SND1: variants seen among roughly 807,000 people sequenced by gnomAD.
The protein encoded by SND1 is staphylococcal nuclease and tudor domain containing 1.
Under a neutral mutation model 121.7 loss-of-function variants are expected in SND1, and 38 were observed. The observed-to-expected ratio is 0.31, with a 90% CI of 0.24 to 0.41. The LOEUF is 0.41. Ranked by LOEUF, SND1 falls within the 10% of genes least tolerant of loss-of-function variation. The pLI is 1.00. For synonymous variants in SND1, 401 were observed against 447.4 expected, an observed-to-expected ratio of 0.90 and a Z score of 1.31; for missense variants, 868 against 1,184.6, an observed-to-expected ratio of 0.73 and a Z score of 3.92.
At chr7:128,086,743 GGACCAGCAGGGC>G (rs1044714387) in intron 20 of SND1, 183 bp from the exon 21 acceptor site, 70 of 622,826 alleles carry the variant, frequency 1.1e-4, no homozygotes, top group African/African-American at 1.1e-3. Flanking sequence ...ATCTACTGCT[GGACCAGCAGGGC>G]ACGTTCTCTC....
intron 12 of SND1, chr7:127,857,703 C>G: frequency 1.7e-6 from 1 of 582,630 alleles, no homozygotes; most frequent in Non-Finnish European, 3.1e-6. Flanking sequence ...ATCAGCACAG[C>G]CAAGGCCCCA....
chr7:127,673,444 T>C (rs1490700524), intron 1 of SND1, among the ~76,000 whole-genome samples: 1 of 152,152 alleles, frequency 6.6e-6, no homozygotes, highest in Non-Finnish European at 1.5e-5. Context: ...CTCGAGTAGC[T>C]GGGACTACAG....
chr7:128,045,007 T>C (rs1792921725), intron 16 of SND1, among the ~76,000 whole-genome samples: 1 of 152,152 alleles, frequency 6.6e-6, no homozygotes, highest in Admixed American at 6.5e-5. Flanking sequence ...TTCTCCAAGC[T>C]TTGTATCAGA....
Position 127,993,978 on chromosome 7 carries a change from G to A in SND1, c.1779+2922G>A, listed in dbSNP as rs186563565. Among the ~76,000 whole-genome samples, 5 of 152,362 alleles carry A rather than the reference G, an allele frequency of 3.3e-5. No individual in the cohort carries two copies. The East Asian group carries it at 7.7e-4, about 24-fold the overall frequency. On this transcript the variant is annotated intron_variant, in intron 16 of 23. Transcript: ENST00000354725. ...CTCTAGGCCAGCCTTCTGCCAGGCA[G>A]AGAACAGGAAGCTGGCATGCAGGGT...
At chr7:127,706,254 C>CG (rs1283754742) in intron 8 of SND1, among the ~76,000 whole-genome samples, 2 of 66,786 alleles carry the variant, frequency 3.0e-5, no homozygotes, top group Non-Finnish European at 5.2e-5. Context: ...GCCCCCCCTC[C>CG]CCCCCCCCAC....
At chr7:127,852,504 A>G (rs896337723) in intron 12 of SND1, among the ~76,000 whole-genome samples, 21 of 151,406 alleles carry the variant, frequency 1.4e-4, no homozygotes, top group African/African-American at 3.9e-4. Flanking sequence ...AAAAAAAAAA[A>G]AAAGAAAAAA....
intron 12 of SND1, among the ~76,000 whole-genome samples, chr7:127,872,521 T>C (rs1388072573): frequency 1.3e-5 from 2 of 152,166 alleles, no homozygotes; most frequent in Non-Finnish European, 2.9e-5. Flanking sequence ...TTTGTTGTGC[T>C]CTTCTCACTC....
At chr7:127,793,408 T>A (rs1242705785) in intron 10 of SND1, among the ~76,000 whole-genome samples, 1 of 152,188 alleles carries the variant, frequency 6.6e-6, no homozygotes, top group Non-Finnish European at 1.5e-5. Flanking sequence ...GGATTAGAAT[T>A]AATATGTTTA....
intron 15 of SND1, among the ~76,000 whole-genome samples, chr7:127,946,036 C>A (rs1228386371): frequency 6.6e-6 from 1 of 152,218 alleles, no homozygotes; most frequent in East Asian, 1.9e-4. Flanking sequence ...TGCGTGTACT[C>A]TCTTATTGGC....
intron 10 of SND1, among the ~76,000 whole-genome samples, chr7:127,773,469 C>CA (rs1311192323): frequency 2.0e-5 from 3 of 150,384 alleles, no homozygotes; most frequent in African/African-American, 7.3e-5. Context: ...AAAAAAAATT[C>CA]TTATTAATGA....
intron 15 of SND1, among the ~76,000 whole-genome samples, chr7:127,976,296 C>T (rs1474903988): frequency 1.3e-5 from 2 of 152,236 alleles, no homozygotes; most frequent in Admixed American, 6.5e-5. Context: ...TTCTTTTGTG[C>T]GGAGCACACT....
chr7:128,057,621 G>A (rs929981869), intron 16 of SND1, among the ~76,000 whole-genome samples: 3 of 152,122 alleles, frequency 2.0e-5, no homozygotes, highest in African/African-American at 7.2e-5. Context: ...CAGGAAGAAA[G>A]CACAAAGATA....
At position 128,028,448 on chromosome 7, in the gene SND1, C is replaced by A. The variant is rs1010795999; in HGVS notation, c.1779+37392C>A. On this transcript the variant is annotated intron_variant, in intron 16 of 23. Coordinates refer to ENST00000354725, the MANE Select transcript of SND1 (RefSeq NM_014390.4). The stretch of plus-strand genomic sequence containing the variant: ...GCAAGTTAACTTGTGGCTTGTACCC[C>A]ACAACGTTCCCAAGATTCCCCCCCA... 3.5e-5 allele frequency: 16 copies of A among 456,432 alleles called. No homozygotes were observed. In the South Asian group the frequency reaches 5.5e-4, roughly 16 times the overall value. The allele number at this position is 456,432 out of a possible 1,614,324, so 28.3% of individuals were successfully genotyped here. A position where few individuals can be genotyped will look rare whatever the true frequency, so the allele number is the denominator to read the frequency against.
chr7:127,670,947 G>A (rs1259499546), intron 1 of SND1, among the ~76,000 whole-genome samples: 2 of 152,076 alleles, frequency 1.3e-5, no homozygotes, highest in Non-Finnish European at 2.9e-5. Context: ...CAGAAAGTTT[G>A]AATTCTGTGA....
intron 13 of SND1, among the ~76,000 whole-genome samples, chr7:127,891,530 T>C (rs1800008637): frequency 6.6e-6 from 1 of 152,066 alleles, no homozygotes. Flanking sequence ...GTATTGAATA[T>C]TATCTGAGTT....
chr7:127,674,879 T>G (rs1795589153), intron 1 of SND1, among the ~76,000 whole-genome samples: 1 of 151,506 alleles, frequency 6.6e-6, no homozygotes, highest in Non-Finnish European at 1.5e-5. Context: ...TCTCCAGTTT[T>G]TCTGTGATGT....
chr7:127,733,841 T>C (rs371886123), intron 10 of SND1, among the ~76,000 whole-genome samples: 15 of 152,304 alleles, frequency 9.8e-5, no homozygotes, highest in African/African-American at 3.6e-4. Context: ...AAGCCCTAGC[T>C]GAGAGGCACA....
intron 16 of SND1, chr7:128,030,056 C>G (rs761626167): frequency 3.7e-6 from 6 of 1,613,222 alleles, no homozygotes; most frequent in African/African-American, 1.3e-5. Context: ...TGAGGTTGAA[C>G]AGCCCCTCAA....
At chr7:128,062,651 C>G (rs1379844508) in intron 16 of SND1, among the ~76,000 whole-genome samples, 1 of 152,204 alleles carries the variant, frequency 6.6e-6, no homozygotes, top group Non-Finnish European at 1.5e-5. Flanking sequence ...TTCTGGCCTG[C>G]AAGAGGGATT....
Sources: allele counts gnomAD v4.1 joint callset (sites outside exome capture counted in the v4.1 genomes callset), GRCh38; gene constraint gnomAD v4.1.1; transcripts MANE v1.5; gene names NCBI Gene and HGNC (gene_info 2026-07-23, HGNC 2026-07-21).